The following COA1 variants were observed in gnomAD, a reference collection of about 807,000 sequenced individuals.
The protein encoded by COA1 is cytochrome c oxidase assembly factor 1 homolog.
Under a neutral mutation model 16.0 loss-of-function variants are expected in COA1, and 13 were observed. The observed-to-expected ratio is 0.81, with a 90% CI of 0.53 to 1.29. COA1 has a LOEUF of 1.29. COA1 is among the 50% of genes most tolerant of loss of function. The pLI, the probability that COA1 is intolerant of heterozygous loss-of-function variation, is 0.00. For synonymous variants in COA1, 65 were observed against 65.7 expected, an observed-to-expected ratio of 0.99 and a Z score of 0.05; for missense variants, 179 against 177.0, an observed-to-expected ratio of 1.01 and a Z score of -0.06.
intron 1 of COA1, chr7:43,711,467 A>AAG (rs949726052): frequency 2.6e-5 from 4 of 152,184 alleles, no homozygotes; most frequent in Non-Finnish European, 4.4e-5. Flanking sequence ...AAGAAAGAAA[A>AAG]AGAGAGAGAG....
Position 43,624,646 on chromosome 7 carries a change from C to T in COA1, c.*133+14803G>A, listed in dbSNP as rs776533036. On this transcript the variant is annotated intron_variant and NMD_transcript_variant, in intron 6 of 6. Transcript: ENST00000415076. ...GCCCTCCAAGAAGGTCATTCTGTGC[C>T]TGAAATTAATTCGGATACCGACAAA... 2 of 1,614,096 alleles carry T rather than the reference C, an allele frequency of 1.2e-6. No homozygotes were observed. Among genetic ancestry groups the T allele is most frequent in the Non-Finnish European group, 8.5e-7 (1 of 1,180,012 alleles).
At chr7:43,646,322 G>T in intron 3 of COA1, 1 of 314,032 alleles carries the variant, frequency 3.2e-6, no homozygotes, top group East Asian at 8.1e-5. Context: ...TTTATTGAGT[G>T]ATTTCTATGG....
intron 1 of COA1, among the ~76,000 whole-genome samples, chr7:43,691,252 AAAAGAAAGAAAGAAAAGAAAG>A (rs1339112577): frequency 1.5e-5 from 1 of 65,430 alleles, no homozygotes; most frequent in Non-Finnish European, 2.6e-5. Flanking sequence ...TTGACTCAAA[AAAAGAAAGAAAGAAAAGAAAG>A]AAAGAAAGAA....
At chr7:43,700,466 C>T (rs931747321) in intron 1 of COA1, among the ~76,000 whole-genome samples, 11 of 151,458 alleles carry the variant, frequency 7.3e-5, no homozygotes, top group Non-Finnish European at 1.6e-4. Flanking sequence ...ATTTCAAATA[C>T]GTTACCATCA....
intron 1 of COA1, among the ~76,000 whole-genome samples, chr7:43,676,400 T>G (rs1239216464): frequency 6.6e-6 from 1 of 152,122 alleles, no homozygotes; most frequent in African/African-American, 2.4e-5. Flanking sequence ...ATATACGCAA[T>G]AGAATACTAT....
rs1173049196 is a variant in COA1 at position 43,691,054 on chromosome 7, CAAAAAAAAAA to C, written c.-39+38365_-39+38374del. Among the ~76,000 whole-genome samples the C allele has an allele frequency of 1.1e-3, 46 of 40,038 alleles. 2 individuals are homozygous for C. The South Asian group carries it at 0.039, about 34-fold the overall frequency. The allele number at this position is 40,038 out of a possible 152,430, so 26.3% of individuals were successfully genotyped here. On this transcript the variant is annotated intron_variant, in intron 1 of 5. Coordinates refer to ENST00000223336, the MANE Select transcript of COA1 (RefSeq NM_018224.4). ...GCAATATAGCGAGACCTCATCACTA[CAAAAAAAAAA>C]AAAAAAAAAAAAACAAAAAGAAAAG...
At chr7:43,612,272 A>G (rs912887243) in intron 6 of COA1, among the ~76,000 whole-genome samples, 1 of 152,138 alleles carries the variant, frequency 6.6e-6, no homozygotes, top group Non-Finnish European at 1.5e-5. Context: ...GCAGTCAGAC[A>G]TGTCTCTGAG....
intron 1 of COA1, among the ~76,000 whole-genome samples, chr7:43,669,771 T>A (rs2093141520): frequency 2.0e-5 from 3 of 148,714 alleles, no homozygotes; most frequent in Non-Finnish European, 3.0e-5. Context: ...AAAAAAAAAT[T>A]AAAAAAAAAA....
intron 2 of COA1, 185 bp from the exon 3 acceptor site, chr7:43,647,819 T>C: frequency 3.4e-6 from 2 of 595,016 alleles, no homozygotes; most frequent in East Asian, 2.8e-5. Flanking sequence ...AGTGCCCTCC[T>C]GAGGGTGCCC....
intron 6 of COA1, among the ~76,000 whole-genome samples, chr7:43,633,720 G>A (rs975656270): frequency 1.3e-5 from 2 of 152,160 alleles, no homozygotes; most frequent in Admixed American, 6.5e-5. Context: ...TCTGCAAAGT[G>A]TAATAAAGTA....
intron 1 of COA1, among the ~76,000 whole-genome samples, chr7:43,654,185 A>C (rs1343612690): frequency 6.6e-6 from 1 of 152,148 alleles, no homozygotes; most frequent in Non-Finnish European, 1.5e-5. Flanking sequence ...GGTTTGTAGC[A>C]ATCAGGAAAC....
At chr7:43,718,771 T>A (rs187785058) in intron 1 of COA1, among the ~76,000 whole-genome samples, 19 of 152,304 alleles carry the variant, frequency 1.2e-4, no homozygotes, top group African/African-American at 4.3e-4. Context: ...TAAATCTGAT[T>A]GGTTCATAGT....
rs200941027 is a variant in COA1, at chr7:43,718,973, A to T, written c.-39+10456T>A. ...TAGATTCAATCTACCAGGAATCTACATTTTTTTTTTTTTTTTGAGATGGAG... is the reference window on the plus strand; with the variant it reads ...TAGATTCAATCTACCAGGAATCTACTTTTTTTTTTTTTTTTTGAGATGGAG... On this transcript the variant is annotated intron_variant, in intron 1 of 5. Coordinates refer to ENST00000223336, the MANE Select transcript of COA1 (RefSeq NM_018224.4). Among the ~76,000 whole-genome samples, 990 of 134,778 alleles carry T rather than the reference A, an allele frequency of 7.3e-3. 4 individuals carry two copies. The highest frequency in any genetic ancestry group is 0.012 in the Non-Finnish European group (724 of 61,974). The allele number at this position is 134,778 out of a possible 152,430, so 88.4% of individuals were successfully genotyped here.
rs547942846 is a variant in COA1 at position 43,616,929 on chromosome 7, G to A, written c.*134-7434C>T. 5.4e-4 allele frequency among the ~76,000 whole-genome samples: 82 copies of A among 152,272 alleles called. 1 individual carries two copies. Among genetic ancestry groups the A allele is most frequent in the African/African-American group, 1.9e-3 (78 of 41,572 alleles). The stretch of plus-strand genomic sequence containing the variant: ...GAGGGACCATCTATGCCTCAATTTC[G>A]TTTTTCATATTGTAGCCCCTCTCAT... On this transcript the variant is annotated intron_variant and NMD_transcript_variant, in intron 6 of 6. Transcript: ENST00000415076.
chr7:43,699,670 GACA>G (rs1266410531), intron 1 of COA1, among the ~76,000 whole-genome samples: 3 of 152,254 alleles, frequency 2.0e-5, no homozygotes, highest in Middle Eastern at 3.4e-3. Flanking sequence ...GCTTCAAAGT[GACA>G]CTAAGCATAT....
intron 1 of COA1, among the ~76,000 whole-genome samples, chr7:43,669,449 G>A (rs948794319): frequency 6.6e-6 from 1 of 151,858 alleles, no homozygotes; most frequent in Admixed American, 6.6e-5. Context: ...CTGGCAACAC[G>A]GCCGCCCCCA....
downstream of COA1, among the ~76,000 whole-genome samples, chr7:43,634,624 G>T (rs2085559454): frequency 6.6e-6 from 1 of 152,208 alleles, no homozygotes; most frequent in Non-Finnish European, 1.5e-5. Context: ...GCTCCAGCAG[G>T]GGATGGGGAG....
At chr7:43,610,936 G>A (rs2082816518) in intron 6 of COA1, among the ~76,000 whole-genome samples, 4 of 152,092 alleles carry the variant, frequency 2.6e-5, no homozygotes, top group African/African-American at 4.8e-5. Flanking sequence ...AGCCAACATG[G>A]TGAAACCCTA....
At chr7:43,698,614 C>T (rs1055858674) in intron 1 of COA1, among the ~76,000 whole-genome samples, 3 of 152,174 alleles carry the variant, frequency 2.0e-5, no homozygotes, top group African/African-American at 7.2e-5. Flanking sequence ...AGTAGGCTGC[C>T]ATGAGCCAAC....
Sources: gnomAD v4.1 joint callset for allele counts (sites outside exome capture counted in the v4.1 genomes callset) on GRCh38, gnomAD v4.1.1 for gene constraint, MANE v1.5 for transcripts, NCBI Gene and HGNC (gene_info 2026-07-23, HGNC 2026-07-21) for gene names.